Variants in GRID2 observed in about 807,000 individuals in gnomAD.
GRID2 encodes the protein glutamate receptor ionotropic, delta-2.
Under a neutral mutation model 114.8 loss-of-function variants are expected in GRID2, and 33 were observed. That is an observed-to-expected ratio of 0.29 (90% CI 0.22 to 0.38). The LOEUF (loss-of-function observed/expected upper bound fraction) is 0.38, where lower values mean the gene tolerates loss of function less well. Among genes scored for constraint, GRID2 ranks in the 10% least tolerant of loss-of-function variants. GRID2 has a pLI of 1.00. For missense variants in GRID2, 1,184 were observed against 1,257.7 expected (o/e 0.94, Z 0.89); for synonymous variants, 505 against 449.9 (o/e 1.12, Z -1.55).
chr4:93,695,174 A>G (rs1003868817), intron 14 of GRID2, among the ~76,000 whole-genome samples: 3 of 56,328 alleles, frequency 5.3e-5, no homozygotes, highest in East Asian at 2.4e-3. Flanking sequence ...CCGTCTCGGA[A>G]AAAAAAAAAA....
chr4:92,649,424 T>G (rs1228713459), intron 2 of GRID2, among the ~76,000 whole-genome samples: 2 of 151,530 alleles, frequency 1.3e-5, no homozygotes, highest in East Asian at 2.0e-4. Context: ...TTCTGCCTTT[T>G]TTTTTTCTTT....
chr4:92,982,457 A>T (rs1427702404), intron 2 of GRID2, among the ~76,000 whole-genome samples: 1 of 152,114 alleles, frequency 6.6e-6, no homozygotes, highest in East Asian at 1.9e-4. Context: ...ATTCAATTGA[A>T]TAACCTACAT....
rs1200541504 is a variant in GRID2, at chr4:92,536,077, C to CTCTTTCCTT, written c.89-54052_89-54051insTTTCCTTTC. On this transcript the variant is annotated intron_variant, in intron 1 of 15. Transcript: ENST00000282020. ...ATTGCAAAGAGCAAAAGAACAAAGC[C>CTCTTTCCTT]TCCACAGCAAGGAAAGGAACGTGAG... 5.9e-5 allele frequency among the ~76,000 whole-genome samples: 9 copies of CTCTTTCCTT among 152,146 alleles called. No homozygotes were observed. The South Asian group carries it at 1.0e-3, about 18-fold the overall frequency.
chr4:92,800,936 GCT>G (rs1426900417), intron 2 of GRID2, among the ~76,000 whole-genome samples: 1 of 151,944 alleles, frequency 6.6e-6, no homozygotes, highest in African/African-American at 2.4e-5. Context: ...AGTTACTTAA[GCT>G]CTCTTAAGCC....
At chr4:93,141,408 GCAGT>G (rs1184891691) in intron 4 of GRID2, among the ~76,000 whole-genome samples, 2 of 151,984 alleles carry the variant, frequency 1.3e-5, no homozygotes, top group Admixed American at 6.6e-5. Context: ...TGATATCCTG[GCAGT>G]TACCTTGACT....
chr4:92,549,676 C>G (rs1726477539), intron 1 of GRID2, among the ~76,000 whole-genome samples: 1 of 152,098 alleles, frequency 6.6e-6, no homozygotes, highest in African/African-American at 2.4e-5. Flanking sequence ...TTTGTGATTT[C>G]CATTTTTGAA....
At position 93,684,621 on chromosome 4, in the gene GRID2, A is replaced by G. The variant is rs550764620; in HGVS notation, c.2360+58186A>G. Reference sequence around the variant, plus strand: ...TAGCCAAGAAGCAGAGTGGGGCTCAATGGATGACTAAGAAACATCGAGGGT... The same window carrying G: ...TAGCCAAGAAGCAGAGTGGGGCTCAGTGGATGACTAAGAAACATCGAGGGT... On this transcript the variant is annotated intron_variant, in intron 14 of 15. Transcript: ENST00000282020. Among the ~76,000 whole-genome samples, 18 of 152,190 alleles carry G rather than the reference A, an allele frequency of 1.2e-4. No homozygotes were observed. In the South Asian group the frequency reaches 3.7e-3, roughly 31 times the overall value.
chr4:93,806,032 G>T (rs750267348), intron 1 of GRID2, among the ~76,000 whole-genome samples: 1 of 152,152 alleles, frequency 6.6e-6, no homozygotes, highest in African/African-American at 2.4e-5. Context: ...CAGAGGTGGA[G>T]GTTGCAGTGA....
chr4:92,590,050 A>C (rs185949624), intron 1 of GRID2, 81 bp from the exon 2 acceptor site: 17 of 937,410 alleles, frequency 1.8e-5, no homozygotes. Context: ...TTTTAAACAC[A>C]TAAGTCTCCT....
In GRID2 at chr4:93,681,462, G is replaced by A. The variant is rs1442679913; in HGVS notation, c.2360+55027G>A. 1.8e-4 allele frequency among the ~76,000 whole-genome samples: 28 copies of A among 151,370 alleles called. 1 individual carries two copies. Among genetic ancestry groups the A allele is most frequent in the African/African-American group, 5.1e-4 (21 of 40,898 alleles). On this transcript the variant is annotated intron_variant, in intron 14 of 15. Transcript: ENST00000282020. ...TTCATGTGGAACCAAAAAAGAGCCC[G>A]CATTGCCAAGTCAATCCTAAGCCAA...
intron 8 of GRID2, among the ~76,000 whole-genome samples, chr4:93,240,023 A>T (rs1160033364): frequency 1.3e-5 from 2 of 151,460 alleles, no homozygotes. Flanking sequence ...TTTCTATTGT[A>T]TGGATTTGTC....
chr4:92,365,475 C>T (rs1728812789), intron 1 of GRID2, among the ~76,000 whole-genome samples: 2 of 151,326 alleles, frequency 1.3e-5, no homozygotes, highest in South Asian at 4.2e-4. Flanking sequence ...TTAACAGAGA[C>T]TGGGTGGTGC....
At chr4:93,506,539 G>T (rs990808682) in intron 12 of GRID2, among the ~76,000 whole-genome samples, 1 of 152,156 alleles carries the variant, frequency 6.6e-6, no homozygotes, top group Non-Finnish European at 1.5e-5. Context: ...GTATTCTGTT[G>T]TGCCACATGA....
intron 1 of GRID2, among the ~76,000 whole-genome samples, chr4:92,546,538 A>C (rs1485959622): frequency 7.2e-5 from 11 of 152,138 alleles, no homozygotes; most frequent in Middle Eastern, 3.2e-3. Flanking sequence ...AATTATACTG[A>C]TGCATGTGTG....
At chr4:93,273,852 T>G (rs1334346106) in intron 8 of GRID2, among the ~76,000 whole-genome samples, 2 of 152,104 alleles carry the variant, frequency 1.3e-5, no homozygotes, top group African/African-American at 4.8e-5. Flanking sequence ...CTACCAACAA[T>G]TGCAATTATC....
chr4:92,525,853 A>G (rs1725013809), intron 1 of GRID2, among the ~76,000 whole-genome samples: 1 of 152,102 alleles, frequency 6.6e-6, no homozygotes, highest in Non-Finnish European at 1.5e-5. Context: ...AGCCAGAGAG[A>G]GGAATTGTAG....
At chr4:92,324,580 C>CACAT (rs955531594) in intron 1 of GRID2, among the ~76,000 whole-genome samples, 3 of 141,670 alleles carry the variant, frequency 2.1e-5, no homozygotes, top group East Asian at 4.5e-4. Flanking sequence ...CTTTTATATA[C>CACAT]ACATACATAC....
chr4:93,403,367 C>A (rs1040996754), intron 9 of GRID2, among the ~76,000 whole-genome samples: 4 of 151,714 alleles, frequency 2.6e-5, no homozygotes, highest in Admixed American at 2.6e-4. Flanking sequence ...TTCCATGGAC[C>A]CACTCCCCAG....
intron 8 of GRID2, among the ~76,000 whole-genome samples, chr4:93,306,890 T>C (rs1044232877): frequency 2.6e-5 from 4 of 152,160 alleles, no homozygotes; most frequent in African/African-American, 9.7e-5. Context: ...ATTTAAATAG[T>C]GTTTTTTAGA....
Sources: allele counts gnomAD v4.1 joint callset (sites outside exome capture counted in the v4.1 genomes callset), GRCh38; gene constraint gnomAD v4.1.1; transcripts MANE v1.5; gene names NCBI Gene and HGNC (gene_info 2026-07-23, HGNC 2026-07-21).